GALNT14: variants seen among roughly 807,000 people sequenced by gnomAD.
GALNT14 encodes the protein polypeptide N-acetylgalactosaminyltransferase 14.
A neutral mutation model predicts 77.5 loss-of-function variants in GALNT14; 60 were observed. The ratio of observed to expected loss-of-function variants is 0.77; its 90% CI spans 0.63 to 0.96. GALNT14 has a LOEUF of 0.96. GALNT14 is among the 40% of genes least tolerant of loss of function. The probability of loss-of-function intolerance (pLI) is 0.00; values close to 1 mark genes in which losing one functional copy is unlikely to be tolerated. For missense variants in GALNT14, 710 were observed against 731.0 expected (o/e 0.97, Z 0.33); for synonymous variants, 280 against 281.7 (o/e 0.99, Z 0.06).
At chr2:31,033,459 A>C (rs1672533176) in intron 1 of GALNT14, among the ~76,000 whole-genome samples, 1 of 152,096 alleles carries the variant, frequency 6.6e-6, no homozygotes, top group South Asian at 2.1e-4. Context: ...CCTGTTGGCT[A>C]CCTTTCCTTC....
At chr2:31,112,996 A>C (rs1291033639) in intron 1 of GALNT14, among the ~76,000 whole-genome samples, 1 of 152,216 alleles carries the variant, frequency 6.6e-6, no homozygotes, top group East Asian at 1.9e-4. Flanking sequence ...ACACTTCCCA[A>C]TGAATAAAAT....
intron 1 of GALNT14, among the ~76,000 whole-genome samples, chr2:31,084,774 C>T (rs1216892308): frequency 6.6e-6 from 1 of 152,148 alleles, no homozygotes. Context: ...CCTGTAATCC[C>T]AGCACTTTGG....
At chr2:31,027,991 C>T (rs1234042578) in intron 1 of GALNT14, among the ~76,000 whole-genome samples, 2 of 151,892 alleles carry the variant, frequency 1.3e-5, no homozygotes, top group East Asian at 3.9e-4. Flanking sequence ...AAGAGGCTGA[C>T]TTAGTCCATA....
chr2:30,897,067 G>A, the GALNT14 span, among the ~76,000 whole-genome samples: 3 of 152,128 alleles, frequency 2.0e-5, no homozygotes, highest in African/African-American at 7.2e-5. Context: ...TCGATTAAGT[G>A]CAGAATCCTC....
At chr2:30,943,152 T>G (rs1453477916) in intron 8 of GALNT14, among the ~76,000 whole-genome samples, 1 of 152,206 alleles carries the variant, frequency 6.6e-6, no homozygotes, top group African/African-American at 2.4e-5. Context: ...TTCTGTTGTT[T>G]AAGCAGCCCC....
intron 1 of GALNT14, among the ~76,000 whole-genome samples, chr2:31,097,039 A>C (rs1677037095): frequency 6.6e-6 from 1 of 152,152 alleles, no homozygotes; most frequent in Non-Finnish European, 1.5e-5. Flanking sequence ...TCAAAGAAAA[A>C]CAGTCATGAG....
intron 1 of GALNT14, among the ~76,000 whole-genome samples, chr2:31,050,768 TTTTTTG>T (rs1466489413): frequency 0.01 from 656 of 62,894 alleles, 7 homozygotes; most frequent in East Asian, 0.053. Context: ...AAGCAAAAAG[TTTTTTG>T]TTTTTTTTTT....
chr2:31,019,422 A>G (rs1011530519), intron 1 of GALNT14, among the ~76,000 whole-genome samples: 2 of 152,156 alleles, frequency 1.3e-5, no homozygotes, highest in African/African-American at 4.8e-5. Context: ...TGCCCCAGCC[A>G]CACTGTCATT....
intron 13 of GALNT14, among the ~76,000 whole-genome samples, chr2:30,913,206 C>A (rs1664477905): frequency 6.6e-6 from 1 of 152,130 alleles, no homozygotes; most frequent in African/African-American, 2.4e-5. Flanking sequence ...TTTTCTCCCC[C>A]AGGTTGTAAA....
Position 30,942,191 on chromosome 2 carries a change from A to G in GALNT14, c.931+10T>C, listed in dbSNP as rs1410094816. 5 of 1,589,866 alleles carry G rather than the reference A, an allele frequency of 3.1e-6. No individual in the cohort carries two copies. The highest frequency in any genetic ancestry group is 4.3e-6 in the Non-Finnish European group (5 of 1,158,084). On this transcript the variant is annotated intron_variant, in intron 9 of 14. Coordinates refer to ENST00000349752, the MANE Select transcript of GALNT14 (RefSeq NM_024572.4). ...ACAGCATAGGTCAGGATGCAGAGGC[A>G]GGGACTCACCAAAGTTCTCCCCACC... is the stretch of plus-strand genomic sequence containing the variant.
At chr2:31,098,354 T>C (rs1677097192) in intron 1 of GALNT14, among the ~76,000 whole-genome samples, 1 of 152,204 alleles carries the variant, frequency 6.6e-6, no homozygotes, top group African/African-American at 2.4e-5. Flanking sequence ...GAAGCATTTA[T>C]ATACTTTTCT....
At chr2:31,072,402 C>G (rs1450612526) in intron 1 of GALNT14, among the ~76,000 whole-genome samples, 1 of 151,084 alleles carries the variant, frequency 6.6e-6, no homozygotes, top group Non-Finnish European at 1.5e-5. Context: ...TCCCTCATTG[C>G]TTTCTTCCTC....
At chr2:30,957,508 G>T (rs1280744512) in intron 4 of GALNT14, among the ~76,000 whole-genome samples, 2 of 152,152 alleles carry the variant, frequency 1.3e-5, no homozygotes, top group Admixed American at 6.5e-5. Context: ...CCTCACTGGG[G>T]AAGGGAGAGC....
At chr2:30,903,847 G>A in the GALNT14 span, among the ~76,000 whole-genome samples, 1 of 152,232 alleles carries the variant, frequency 6.6e-6, no homozygotes, top group Non-Finnish European at 1.5e-5. Context: ...CCTGGGCAGA[G>A]AAGGTATGGG....
intron 1 of GALNT14, among the ~76,000 whole-genome samples, chr2:31,003,600 C>T (rs1312395893): frequency 6.6e-6 from 1 of 152,202 alleles, no homozygotes; most frequent in Non-Finnish European, 1.5e-5. Context: ...CCATCTCTCT[C>T]CTCCCCACCA....
intron 1 of GALNT14, among the ~76,000 whole-genome samples, chr2:31,035,799 G>A (rs1672706655): frequency 6.6e-6 from 1 of 152,002 alleles, no homozygotes; most frequent in Admixed American, 6.5e-5. Flanking sequence ...ATAAGCGGGA[G>A]CTAAATGATG....
chr2:31,052,618 A>T (rs559471494), intron 1 of GALNT14, among the ~76,000 whole-genome samples: 123 of 152,208 alleles, frequency 8.1e-4, no homozygotes, highest in African/African-American at 2.9e-3. Flanking sequence ...CCACTGACCC[A>T]GGAGGGACAT....
intron 1 of GALNT14, among the ~76,000 whole-genome samples, chr2:31,128,289 G>GGT (rs1678795937): frequency 6.6e-6 from 1 of 152,066 alleles, no homozygotes; most frequent in Non-Finnish European, 1.5e-5. Flanking sequence ...TAACCAGCAA[G>GGT]ACATGGCAGG....
chr2:31,023,148 G>GAAAAACAAAAACAAAAAC (rs370412226), intron 1 of GALNT14, among the ~76,000 whole-genome samples: 2 of 142,946 alleles, frequency 1.4e-5, no homozygotes, highest in South Asian at 4.5e-4. Flanking sequence ...CTATAGTGGG[G>GAAAAACAAAAACAAAAAC]AAAAACAAAA....
Sources: gnomAD v4.1 joint callset for allele counts (sites outside exome capture counted in the v4.1 genomes callset) on GRCh38, gnomAD v4.1.1 for gene constraint, MANE v1.5 for transcripts, NCBI Gene and HGNC (gene_info 2026-07-23, HGNC 2026-07-21) for gene names.